CELF1: variants seen among roughly 807,000 people sequenced by gnomAD.
The protein encoded by CELF1 is CUGBP Elav-like family member 1.
CELF1 carries 10 observed loss-of-function variants against 61.8 expected under a neutral mutation model. That is an observed-to-expected ratio of 0.16 (90% CI 0.10 to 0.27). The LOEUF (loss-of-function observed/expected upper bound fraction) is 0.27, where lower values mean the gene tolerates loss of function less well. CELF1 is among the 10% of genes least tolerant of loss of function. The pLI is 1.00. For missense variants in CELF1, 380 were observed against 639.1 expected (o/e 0.59, Z 4.37); for synonymous variants, 236 against 225.1 (o/e 1.05, Z -0.43).
chr11:47,499,132 C>T (rs2093581088), intron 3 of CELF1, among the ~76,000 whole-genome samples: 1 of 151,642 alleles, frequency 6.6e-6, no homozygotes, highest in Admixed American at 6.6e-5. Context: ...GACAATGCTA[C>T]AGTTTAAAAA....
chr11:47,528,618 T>TA (rs1008497402), intron 1 of CELF1, among the ~76,000 whole-genome samples: 2 of 148,714 alleles, frequency 1.3e-5, no homozygotes, highest in Admixed American at 6.7e-5. Flanking sequence ...TCCTGTCTCT[T>TA]AAAAAAATAA....
chr11:47,564,563 G>C (rs2097238323), intron 1 of CELF1: 1 of 152,292 alleles, frequency 6.6e-6, no homozygotes, highest in African/African-American at 2.4e-5. Context: ...ACTTTGGGAG[G>C]CTGAGGTGGG....
At chr11:47,562,653 A>G (rs529460247) in intron 2 of CELF1, among the ~76,000 whole-genome samples, 2 of 151,018 alleles carry the variant, frequency 1.3e-5, no homozygotes, top group Non-Finnish European at 2.9e-5. Flanking sequence ...TTGGGAGGCC[A>G]AATCAGGAGG....
At chr11:47,538,825 T>C (rs2153714373) in intron 1 of CELF1, among the ~76,000 whole-genome samples, 1 of 152,266 alleles carries the variant, frequency 6.6e-6, no homozygotes, top group South Asian at 2.1e-4. Context: ...TTCTCAGAGC[T>C]TCCCCCTCTC....
intron 1 of CELF1, among the ~76,000 whole-genome samples, chr11:47,530,395 G>A (rs2096427298): frequency 6.6e-6 from 1 of 152,180 alleles, no homozygotes. Flanking sequence ...TGTAAAGGAA[G>A]GCTTAAAAAA....
At chr11:47,474,172 C>CTGTTT (rs1349801594) in intron 13 of CELF1, among the ~76,000 whole-genome samples, 2 of 152,210 alleles carry the variant, frequency 1.3e-5, no homozygotes, top group African/African-American at 4.8e-5. Flanking sequence ...GCTGGGATTA[C>CTGTTT]AGGCGCGAGC....
intron 13 of CELF1, 142 bp from the exon 14 acceptor site, chr11:47,473,373 C>T: frequency 1.3e-6 from 1 of 765,890 alleles, no homozygotes; most frequent in East Asian, 2.7e-5. Context: ...AACAGATTCT[C>T]TAAATACAAA....
At chr11:47,483,637 G>T in intron 7 of CELF1, 105 bp from the exon 8 acceptor site, 1 of 805,878 alleles carries the variant, frequency 1.2e-6, no homozygotes, top group Non-Finnish European at 2.1e-6. Flanking sequence ...TACAGACACA[G>T]TCCCTGTTTT....
At chr11:47,472,749 T>G (rs1297758260) in intron 14 of CELF1, among the ~76,000 whole-genome samples, 1 of 152,174 alleles carries the variant, frequency 6.6e-6, no homozygotes. Context: ...CTCACTCTGT[T>G]GCTCAGGCTG....
chr11:47,514,089 C>G (rs1301015273), intron 1 of CELF1: 1 of 151,950 alleles, frequency 6.6e-6, no homozygotes, highest in Admixed American at 6.6e-5. Flanking sequence ...CCACCACACC[C>G]AGCTAATTTT....
At position 47,475,535 on chromosome 11, in the gene CELF1, A is replaced by C. The variant is rs772792797; in HGVS notation, c.1088-14T>G. 1.2e-6 allele frequency: 2 copies of C among 1,613,448 alleles called. No homozygotes were observed. Among genetic ancestry groups the C allele is most frequent in the South Asian group, 1.1e-5 (1 of 91,040 alleles). On this transcript the variant is annotated splice_polypyrimidine_tract_variant and intron_variant, in intron 12 of 14. Transcript: ENST00000687097. Reference sequence around the variant, plus strand: ...AAGCAGCCATTCCTTGGTTGGAGGAAGAGAAGGATTAATATACTAGAAAGA... The same window carrying C: ...AAGCAGCCATTCCTTGGTTGGAGGACGAGAAGGATTAATATACTAGAAAGA...
At chr11:47,524,192 A>T (rs937465999) in intron 1 of CELF1, among the ~76,000 whole-genome samples, 1 of 152,110 alleles carries the variant, frequency 6.6e-6, no homozygotes, top group Non-Finnish European at 1.5e-5. Context: ...AAAGGGGTGG[A>T]GGTGCCTCAT....
At chr11:47,558,515 A>ATG (rs2097212890) in intron 2 of CELF1, among the ~76,000 whole-genome samples, 2 of 119,030 alleles carry the variant, frequency 1.7e-5, no homozygotes, top group Non-Finnish European at 3.2e-5. Flanking sequence ...TATATAAATA[A>ATG]TATATGTATA....
chr11:47,496,487 A>G (rs1254553669), intron 3 of CELF1, among the ~76,000 whole-genome samples: 1 of 152,242 alleles, frequency 6.6e-6, no homozygotes, highest in Admixed American at 6.5e-5. Flanking sequence ...TGTCACTGAA[A>G]AAGTAGAAGG....
In CELF1 at chr11:47,473,132, G is replaced by A. The variant is rs765166247; in HGVS notation, c.1373C>T (p.Ala458Val). 6.2e-7 allele frequency: 1 copy of A among 1,614,100 alleles called. No individual in the cohort carries two copies. Among genetic ancestry groups the A allele is most frequent in the Non-Finnish European group, 8.5e-7 (1 of 1,180,022 alleles). The change falls in exon 14 of 15, where the codon GCC (alanine) becomes GTC (valine). Residue 458 changes from alanine to valine, a missense_variant. Ala to Val is a moderately conservative substitution (Grantham distance 64, BLOSUM62 0). Transcript: ENST00000687097. Reference protein sequence around the residue: ...MFMPFGNVVSAKVFIDKQTNL... With the variant: ...MFMPFGNVVSVKVFIDKQTNL... ...TGTCTGCTTGTCTATGAAAACCTTG[G>A]CAGACACGACATTCCCAAAGGGCAT...
Position 47,489,006 on chromosome 11 carries a change from GC to G in CELF1, c.89del (p.Gly30AlafsTer46). 6.3e-7 allele frequency: 1 copy of G among 1,589,160 alleles called. No homozygotes were observed. Among genetic ancestry groups the G allele is most frequent in the Non-Finnish European group, 8.5e-7 (1 of 1,172,244 alleles). On this transcript the variant is annotated frameshift_variant, in exon 4 of 15. Transcript: ENST00000687097. LOFTEE classifies it high-confidence loss of function. Reference protein sequence around the residue: ...NSSPVSKKMNGTLDHPDQPDL... With the variant: ...NSSPVSKKMNXTLDHPDQPDL... Reference sequence around the variant, plus strand: ...CTGGTTGGTCTGGGTGGTCCAGGGTGCCGTTCATTTTCTTTGAGCTGTGTGA... The same window carrying G: ...CTGGTTGGTCTGGGTGGTCCAGGGTGCGTTCATTTTCTTTGAGCTGTGTGA...
intron 6 of CELF1, among the ~76,000 whole-genome samples, chr11:47,485,676 G>C (rs914566673): frequency 1.3e-5 from 2 of 151,390 alleles, no homozygotes; most frequent in African/African-American, 4.8e-5. Context: ...CCGTCTCCTG[G>C]GTCCAAGCGA....
At chr11:47,564,488 A>T (rs2097237874) in intron 1 of CELF1, 1 of 149,770 alleles carries the variant, frequency 6.7e-6, no homozygotes, top group African/African-American at 2.5e-5. Flanking sequence ...AAAACAAAAA[A>T]CAAAAAACAA....
At chr11:47,536,945 A>G (rs1438196492) in intron 1 of CELF1, among the ~76,000 whole-genome samples, 2 of 152,188 alleles carry the variant, frequency 1.3e-5, no homozygotes, top group African/African-American at 2.4e-5. Flanking sequence ...CATGAGTTTA[A>G]TATCAAACAG....
Sources: allele counts gnomAD v4.1 joint callset (sites outside exome capture counted in the v4.1 genomes callset), GRCh38; gene constraint gnomAD v4.1.1; transcripts MANE v1.5; gene names NCBI Gene and HGNC (gene_info 2026-07-23, HGNC 2026-07-21).